Variants in GABRG3 observed in about 807,000 individuals in gnomAD.
GABRG3 encodes gamma-aminobutyric acid receptor subunit gamma-3.
In GABRG3, 25 loss-of-function variants were observed where a neutral mutation model predicts 48.8. The observed-to-expected ratio is 0.51, with a 90% CI of 0.37 to 0.72. The LOEUF (loss-of-function observed/expected upper bound fraction) is 0.72. GABRG3 is among the 30% of genes least tolerant of loss of function. The pLI is 0.00. For synonymous variants in GABRG3, 227 were observed against 217.6 expected (o/e 1.04, Z -0.38); for missense variants, 394 against 577.9 (o/e 0.68, Z 3.26).
At chr15:27,050,560 A>G (rs1271291294) in intron 3 of GABRG3, among the ~76,000 whole-genome samples, 1 of 152,180 alleles carries the variant, frequency 6.6e-6, no homozygotes, top group African/African-American at 2.4e-5. Flanking sequence ...AAAGCTGTAA[A>G]GCCCTTATTT....
intron 3 of GABRG3, among the ~76,000 whole-genome samples, chr15:27,074,677 A>G (rs1382860625): frequency 6.6e-6 from 1 of 150,738 alleles, no homozygotes; most frequent in Admixed American, 6.6e-5. Flanking sequence ...AGCAACTATT[A>G]TTATCCTTAC....
chr15:27,135,979 G>A (rs1898001833), intron 3 of GABRG3, among the ~76,000 whole-genome samples: 1 of 152,118 alleles, frequency 6.6e-6, no homozygotes, highest in African/African-American at 2.4e-5. Context: ...AAAGCACAAG[G>A]TTGTACCCAA....
chr15:27,101,622 C>T (rs1368471350), intron 3 of GABRG3, among the ~76,000 whole-genome samples: 3 of 151,936 alleles, frequency 2.0e-5, no homozygotes, highest in Non-Finnish European at 4.4e-5. Context: ...AGAAATGAAC[C>T]CATGCAATTA....
At chr15:27,300,992 T>G (rs1023635880) in intron 3 of GABRG3, among the ~76,000 whole-genome samples, 3 of 151,800 alleles carry the variant, frequency 2.0e-5, no homozygotes, top group African/African-American at 7.3e-5. Context: ...AAACAAAAAC[T>G]TGTAGGATAA....
intron 3 of GABRG3, among the ~76,000 whole-genome samples, chr15:27,028,983 T>G (rs1321024105): frequency 6.6e-6 from 1 of 152,148 alleles, no homozygotes; most frequent in Non-Finnish European, 1.5e-5. Context: ...TTGTAAGCCC[T>G]GGGCCCTGGA....
intron 3 of GABRG3, among the ~76,000 whole-genome samples, chr15:27,247,824 A>G (rs1047911173): frequency 1.5e-4 from 23 of 152,184 alleles, no homozygotes; most frequent in African/African-American, 5.6e-4. Context: ...AGATCTCATG[A>G]GACTTATTCA....
At chr15:27,340,676 A>C (rs547498038) in intron 5 of GABRG3, 1 of 153,162 alleles carries the variant, frequency 6.5e-6, no homozygotes, top group Non-Finnish European at 1.5e-5. Context: ...AATGGAACCA[A>C]AGCTTCAGCA....
At chr15:27,530,823 G>A in intron 9 of GABRG3, 1 of 396,652 alleles carries the variant, frequency 2.5e-6, no homozygotes, top group Non-Finnish European at 5.2e-6. Flanking sequence ...ACAGAGGCAT[G>A]AAGCAACGAG....
chr15:27,434,286 T>C (rs948311354), intron 5 of GABRG3, among the ~76,000 whole-genome samples: 1 of 152,210 alleles, frequency 6.6e-6, no homozygotes, highest in African/African-American at 2.4e-5. Flanking sequence ...AATGAACATT[T>C]ATGGATAATC....
At chr15:27,174,205 TTTAAA>T (rs1466072814) in intron 3 of GABRG3, among the ~76,000 whole-genome samples, 2 of 152,214 alleles carry the variant, frequency 1.3e-5, no homozygotes, top group African/African-American at 4.8e-5. Flanking sequence ...GGTTGCTTTG[TTTAAA>T]TTAGTATCAG....
intron 3 of GABRG3, among the ~76,000 whole-genome samples, chr15:27,028,538 G>A (rs1389392828): frequency 6.6e-6 from 1 of 152,160 alleles, no homozygotes; most frequent in Non-Finnish European, 1.5e-5. Flanking sequence ...CGGGCACAGT[G>A]GCTCACGCCT....
At chr15:27,367,403 A>C (rs2140552595) in intron 5 of GABRG3, among the ~76,000 whole-genome samples, 1 of 152,332 alleles carries the variant, frequency 6.6e-6, no homozygotes, top group Admixed American at 6.5e-5. Context: ...GTCCAAAAGC[A>C]AAAAATAGTA....
intron 3 of GABRG3, among the ~76,000 whole-genome samples, chr15:27,031,533 C>G (rs1372210344): frequency 1.3e-5 from 2 of 152,248 alleles, no homozygotes; most frequent in Admixed American, 1.3e-4. Context: ...ATAGCGTGAC[C>G]ATGTGTTACC....
chr15:27,353,484 C>A (rs573743011), intron 5 of GABRG3, among the ~76,000 whole-genome samples: 1 of 148,198 alleles, frequency 6.7e-6, no homozygotes, highest in South Asian at 2.2e-4. Flanking sequence ...CGCTCTGTTG[C>A]CCAGGCTGGA....
chr15:27,336,317 A>C (rs1242613107), intron 5 of GABRG3, among the ~76,000 whole-genome samples: 2 of 151,952 alleles, frequency 1.3e-5, no homozygotes, highest in Non-Finnish European at 2.9e-5. Flanking sequence ...GGAGAAGAAA[A>C]GAAAGAAGAT....
At chr15:27,202,169 A>G (rs572844929) in intron 3 of GABRG3, among the ~76,000 whole-genome samples, 2 of 152,188 alleles carry the variant, frequency 1.3e-5, no homozygotes, top group Admixed American at 6.5e-5. Flanking sequence ...ACATTTCTCT[A>G]TAATCATATA....
chr15:27,082,489 A>G (rs1897007720), intron 3 of GABRG3, among the ~76,000 whole-genome samples: 2 of 152,340 alleles, frequency 1.3e-5, no homozygotes, highest in East Asian at 1.9e-4. Flanking sequence ...GTTTCAGATC[A>G]GAAATGTTAT....
At chr15:27,347,561 G>C (rs1894417088) in intron 5 of GABRG3, among the ~76,000 whole-genome samples, 1 of 152,160 alleles carries the variant, frequency 6.6e-6, no homozygotes, top group Non-Finnish European at 1.5e-5. Flanking sequence ...TGCTAGAGTA[G>C]GTCACTTTTA....
At chr15:27,509,577 C>T (rs916805471) in intron 6 of GABRG3, among the ~76,000 whole-genome samples, 1 of 152,150 alleles carries the variant, frequency 6.6e-6, no homozygotes, top group Non-Finnish European at 1.5e-5. Flanking sequence ...TTCTACTCAC[C>T]TATAGTAAAG....
Sources: allele counts gnomAD v4.1 joint callset (sites outside exome capture counted in the v4.1 genomes callset), GRCh38; gene constraint gnomAD v4.1.1; transcripts MANE v1.5; gene names NCBI Gene and HGNC (gene_info 2026-07-23, HGNC 2026-07-21).